Variants in ABTB2 observed in about 807,000 individuals in gnomAD.
ABTB2 encodes ankyrin repeat and BTB domain containing 2, also known as ankyrin repeat and BTB/POZ domain-containing protein 2.
In ABTB2, 56 loss-of-function variants were observed where a neutral mutation model predicts 104.1. The ratio of observed to expected loss-of-function variants is 0.54; its 90% CI spans 0.43 to 0.67. The LOEUF (loss-of-function observed/expected upper bound fraction) is 0.67. Among genes scored for constraint, ABTB2 ranks in the 30% least tolerant of loss-of-function variants. The pLI is 0.00. For synonymous variants in ABTB2, 606 were observed against 608.2 expected, an observed-to-expected ratio of 1.00 and a Z score of 0.05; for missense variants, 1,279 against 1,407.7, an observed-to-expected ratio of 0.91 and a Z score of 1.46.
At chr11:34,153,061 A>G (rs1852570206) in intron 16 of ABTB2, among the ~76,000 whole-genome samples, 1 of 152,196 alleles carries the variant, frequency 6.6e-6, no homozygotes, top group African/African-American at 2.4e-5. Flanking sequence ...ACCAAAGACA[A>G]GGTAACTGCA....
intron 14 of ABTB2, among the ~76,000 whole-genome samples, chr11:34,158,782 G>A (rs1459050296): frequency 1.3e-5 from 2 of 152,264 alleles, no homozygotes; most frequent in Non-Finnish European, 2.9e-5. Context: ...CAGTCAGGAT[G>A]TGTGCCTCAC....
intron 1 of ABTB2, among the ~76,000 whole-genome samples, chr11:34,225,956 C>A (rs1235445713): frequency 6.6e-6 from 1 of 152,016 alleles, no homozygotes; most frequent in Non-Finnish European, 1.5e-5. Context: ...GTAATCCCAG[C>A]ACTTTGGGAA....
At chr11:34,291,083 T>C (rs1487676462) in intron 1 of ABTB2, among the ~76,000 whole-genome samples, 1 of 152,180 alleles carries the variant, frequency 6.6e-6, no homozygotes, top group African/African-American at 2.4e-5. Context: ...TCCCTGCACA[T>C]ATGGGGGAAT....
intron 1 of ABTB2, among the ~76,000 whole-genome samples, chr11:34,353,204 A>G (rs1397124357): frequency 6.6e-6 from 1 of 152,242 alleles, no homozygotes; most frequent in Non-Finnish European, 1.5e-5. Context: ...TGGAGCAAGA[A>G]TATTCTCACC....
At chr11:34,287,524 G>A (rs1010163606) in intron 1 of ABTB2, among the ~76,000 whole-genome samples, 1 of 152,208 alleles carries the variant, frequency 6.6e-6, no homozygotes, top group Non-Finnish European at 1.5e-5. Context: ...GGGTGACAGA[G>A]CAAGACTCTG....
At chr11:34,325,997 AAATAAAATAAAATAAAAT>A (rs1289426418) in intron 1 of ABTB2, among the ~76,000 whole-genome samples, 4 of 149,932 alleles carry the variant, frequency 2.7e-5, no homozygotes, top group African/African-American at 9.7e-5. Context: ...AAATAAAATA[AAATAAAATAAAATAAAAT>A]AAAGAAAAAG....
In ABTB2 at chr11:34,303,317, A is replaced by C. The variant is rs1016058322; in HGVS notation, c.883+53384T>G. Among the ~76,000 whole-genome samples the C allele has an allele frequency of 4.6e-5, 7 of 152,222 alleles. 1 individual carries two copies. Among genetic ancestry groups the C allele is most frequent in the Admixed American group, 4.6e-4 (7 of 15,278 alleles). On this transcript the variant is annotated intron_variant, in intron 1 of 16. Coordinates refer to ENST00000435224, the MANE Select transcript of ABTB2 (RefSeq NM_145804.3). Reference sequence around the variant, plus strand: ...TGGACCACTCCATCGCACAGCCTACAAATGTTTTCTAACTGTCTTCCGTTT... The same window carrying C: ...TGGACCACTCCATCGCACAGCCTACCAATGTTTTCTAACTGTCTTCCGTTT...
intron 2 of ABTB2, 50 bp from the exon 3 acceptor site, chr11:34,197,588 A>T (rs771250467): frequency 8.1e-5 from 106 of 1,307,140 alleles, no homozygotes; most frequent in Non-Finnish European, 9.9e-5. Flanking sequence ...AAAAGAAGAC[A>T]AAGTCTGAGT....
chr11:34,182,089 A>G (rs539617635), intron 3 of ABTB2, among the ~76,000 whole-genome samples: 2 of 152,348 alleles, frequency 1.3e-5, no homozygotes, highest in East Asian at 3.9e-4. Flanking sequence ...TGACGGCTCC[A>G]CGAACAGACT....
intron 1 of ABTB2, among the ~76,000 whole-genome samples, chr11:34,314,487 G>T (rs994355613): frequency 2.0e-5 from 3 of 152,246 alleles, no homozygotes; most frequent in African/African-American, 7.2e-5. Context: ...AAATAGATGT[G>T]TGTGTTTTAA....
chr11:34,238,901 G>A (rs1294880975), intron 1 of ABTB2, among the ~76,000 whole-genome samples: 4 of 152,022 alleles, frequency 2.6e-5, no homozygotes, highest in African/African-American at 7.3e-5. Context: ...CTACAGGCGC[G>A]TGCCACCACA....
rs144053450 is a variant in ABTB2, at chr11:34,345,792, C to T, written c.883+10909G>A. ...TTCCAAATTGTGTCCCCATGTACAA[C>T]TTTAATTACCCGGCTGCTGAGATGG... On this transcript the variant is annotated intron_variant, in intron 1 of 16. Transcript: ENST00000435224. Among the ~76,000 whole-genome samples, 299 of 152,334 alleles carry T rather than the reference C, an allele frequency of 2.0e-3. 3 individuals are homozygous for T. The highest frequency in any genetic ancestry group is 0.018 in the South Asian group (87 of 4,826).
intron 1 of ABTB2, among the ~76,000 whole-genome samples, chr11:34,266,636 G>A (rs966724687): frequency 2.0e-5 from 3 of 151,866 alleles, no homozygotes; most frequent in South Asian, 2.1e-4. Context: ...CCCTTCCTCC[G>A]AGATCCACAA....
intron 1 of ABTB2, among the ~76,000 whole-genome samples, chr11:34,300,394 C>T (rs1342214015): frequency 6.6e-6 from 1 of 152,184 alleles, no homozygotes; most frequent in Non-Finnish European, 1.5e-5. Context: ...CTGCTCCACC[C>T]CAGAAAGAGT....
chr11:34,306,236 ATTTTTTTTTTTTTTTTT>A (rs34872949), intron 1 of ABTB2, among the ~76,000 whole-genome samples: 2 of 71,960 alleles, frequency 2.8e-5, no homozygotes, highest in Admixed American at 4.1e-4. Context: ...GGAAAGTTTG[ATTTTTTTTTTTTTTTTT>A]TTTTTTTTTT....
chr11:34,243,459 C>T (rs573774477), intron 1 of ABTB2, among the ~76,000 whole-genome samples: 1 of 152,250 alleles, frequency 6.6e-6, no homozygotes, highest in African/African-American at 2.4e-5. Flanking sequence ...CTTAACCCTA[C>T]TAAACCCCAC....
In ABTB2 at chr11:34,159,902, C is replaced by T. The variant is rs746420534; in HGVS notation, c.2606+4G>A. On this transcript the variant is annotated splice_donor_region_variant and intron_variant, in intron 13 of 16. Transcript: ENST00000435224. ...CTGGGAGTTTGTTATCTGAGGCTGC[C>T]TACCTGTTAGAAGCTGTCACCAGCA... 3.1e-6 allele frequency: 5 copies of T among 1,610,580 alleles called. No individual in the cohort carries two copies. The East Asian group carries it at 1.1e-4, about 36-fold the overall frequency.
intron 1 of ABTB2, among the ~76,000 whole-genome samples, chr11:34,296,444 G>C (rs1387002906): frequency 6.6e-6 from 1 of 152,176 alleles, no homozygotes; most frequent in Non-Finnish European, 1.5e-5. Flanking sequence ...AGTTTAATAA[G>C]ATAATTTCAG....
intron 1 of ABTB2, among the ~76,000 whole-genome samples, chr11:34,224,561 C>T (rs1261089899): frequency 1.3e-5 from 2 of 152,142 alleles, no homozygotes; most frequent in Non-Finnish European, 2.9e-5. Context: ...CCGACAATGA[C>T]GTGTTGGTTA....
Sources: gnomAD v4.1 joint callset for allele counts (sites outside exome capture counted in the v4.1 genomes callset) on GRCh38, gnomAD v4.1.1 for gene constraint, MANE v1.5 for transcripts, NCBI Gene and HGNC (gene_info 2026-07-23, HGNC 2026-07-21) for gene names.